LGR5: variants seen among roughly 807,000 people sequenced by gnomAD.
LGR5 encodes the protein leucine-rich repeat-containing G protein-coupled receptor 5.
A neutral mutation model predicts 76.7 loss-of-function variants in LGR5; 54 were observed. That is an observed-to-expected ratio of 0.70 (90% CI 0.57 to 0.88). The LOEUF (loss-of-function observed/expected upper bound fraction) is 0.88. Ranked by LOEUF, LGR5 falls within the 40% of genes least tolerant of loss-of-function variation. The probability of loss-of-function intolerance (pLI) is 0.00; values close to 1 mark genes in which losing one functional copy is unlikely to be tolerated. For synonymous variants in LGR5, 406 were observed against 421.9 expected, an observed-to-expected ratio of 0.96 and a Z score of 0.46; for missense variants, 1,078 against 1,073.3, an observed-to-expected ratio of 1.00 and a Z score of -0.06.
intron 1 of LGR5, among the ~76,000 whole-genome samples, chr12:71,504,066 T>C (rs1187171198): frequency 6.6e-6 from 1 of 152,214 alleles, no homozygotes; most frequent in East Asian, 1.9e-4. Context: ...ATTTCACTTA[T>C]TTAATGCAAT....
intron 2 of LGR5, among the ~76,000 whole-genome samples, chr12:71,520,478 G>T (rs1329555893): frequency 2.9e-4 from 44 of 152,142 alleles, no homozygotes; most frequent in Non-Finnish European, 1.5e-5. Context: ...AGATAGTGGT[G>T]ATGGTTAGAC....
In LGR5 at chr12:71,561,763, T is replaced by A. The variant is rs1445527510; in HGVS notation, c.786-18T>A. The A allele has an allele frequency of 2.0e-6, 3 of 1,516,280 alleles. No individual in the cohort carries two copies. The African/African-American group carries it at 4.2e-5, about 21-fold the overall frequency. The allele number at this position is 1,516,280 out of a possible 1,614,324, so 93.9% of individuals were successfully genotyped here. A position where few individuals can be genotyped will look rare whatever the true frequency, so the allele number is the denominator to read the frequency against. On this transcript the variant is annotated intron_variant, in intron 7 of 17. Coordinates refer to ENST00000266674, the MANE Select transcript of LGR5 (RefSeq NM_003667.4). The stretch of plus-strand genomic sequence containing the variant: ...TTACCCCACACAGGATTTTTTATAA[T>A]TTTTTTTCTCTTTCTAGAGGATTTC...
rs758716943 is a variant in LGR5, at chr12:71,578,008, A to G, written c.1280+12A>G. The G allele has an allele frequency of 6.3e-7, 1 of 1,589,932 alleles. No homozygotes were observed. The highest frequency in any genetic ancestry group is 8.6e-7 in the Non-Finnish European group (1 of 1,158,184). ...TCCCTAATAAAGCTGTGAGTATTCC[A>G]CAACTTGTTTATGGTATGTCTCTTA... On this transcript the variant is annotated intron_variant, in intron 14 of 17. Coordinates refer to ENST00000266674, the MANE Select transcript of LGR5 (RefSeq NM_003667.4).
chr12:71,578,397 A>G (rs914554014), intron 14 of LGR5, among the ~76,000 whole-genome samples: 5 of 151,970 alleles, frequency 3.3e-5, no homozygotes, highest in Admixed American at 6.6e-5. Context: ...CCCATCTCTT[A>G]TCTAACAAAG....
intron 3 of LGR5, among the ~76,000 whole-genome samples, chr12:71,529,810 G>T (rs186402101): frequency 5.3e-4 from 80 of 152,056 alleles, no homozygotes; most frequent in Non-Finnish European, 1.0e-3. Flanking sequence ...ACAAAAATTA[G>T]CTAGGTGTCA....
intron 1 of LGR5, among the ~76,000 whole-genome samples, chr12:71,444,722 G>A (rs2137194821): frequency 6.6e-6 from 1 of 152,192 alleles, no homozygotes; most frequent in African/African-American, 2.4e-5. Context: ...ACTTGGGTGT[G>A]TTTAAAGAAG....
chr12:71,551,579 A>G (rs543494174), intron 4 of LGR5, among the ~76,000 whole-genome samples: 2 of 152,236 alleles, frequency 1.3e-5, no homozygotes, highest in Non-Finnish European at 2.9e-5. Context: ...TGTTGGAAGC[A>G]TAGTTTGAGT....
chr12:71,527,606 G>A (rs753260574), intron 3 of LGR5, among the ~76,000 whole-genome samples: 30 of 152,236 alleles, frequency 2.0e-4, no homozygotes, highest in Admixed American at 9.1e-4. Context: ...TATTTATAAA[G>A]CAAACTTTTG....
chr12:71,507,277 T>C (rs1874902867), intron 2 of LGR5, among the ~76,000 whole-genome samples: 1 of 152,104 alleles, frequency 6.6e-6, no homozygotes, highest in Admixed American at 6.6e-5. Context: ...GCTTGGAAAG[T>C]GGAGGGACGG....
chr12:71,583,522 G>T, intron 17 of LGR5, 125 bp from the exon 18 acceptor site: 2 of 1,080,794 alleles, frequency 1.9e-6, no homozygotes, highest in Non-Finnish European at 2.7e-6. Context: ...CATGGGCACT[G>T]TGTGTTATTA....
intron 4 of LGR5, among the ~76,000 whole-genome samples, chr12:71,542,991 G>A (rs1222791893): frequency 6.7e-6 from 1 of 150,202 alleles, no homozygotes; most frequent in Non-Finnish European, 1.5e-5. Flanking sequence ...ATAATGGCTG[G>A]GACCATGCCT....
chr12:71,452,958 A>T (rs898082136), intron 1 of LGR5, among the ~76,000 whole-genome samples: 2 of 152,230 alleles, frequency 1.3e-5, no homozygotes, highest in African/African-American at 4.8e-5. Flanking sequence ...AGTTATTATC[A>T]CACTAAACTC....
chr12:71,566,955 T>G, intron 11 of LGR5, 43 bp downstream of exon 11: 1 of 1,377,196 alleles, frequency 7.3e-7, no homozygotes, highest in Non-Finnish European at 1.0e-6. Flanking sequence ...ACAGGCAACT[T>G]CCATTTAGGG....
intron 13 of LGR5, 140 bp from the exon 14 acceptor site, chr12:71,577,785 T>C (rs1326361280): frequency 3.4e-6 from 2 of 593,918 alleles, no homozygotes; most frequent in African/African-American, 3.7e-5. Context: ...TATGATAATC[T>C]GAAGGGCAGT....
At chr12:71,578,218 C>T (rs1208061115) in intron 14 of LGR5, among the ~76,000 whole-genome samples, 1 of 152,206 alleles carries the variant, frequency 6.6e-6, no homozygotes, top group Non-Finnish European at 1.5e-5. Flanking sequence ...ACCTGGTTCT[C>T]ATTATTCAGC....
rs919028398 is a variant in LGR5, at chr12:71,577,568, G to A, written c.1209-357G>A. Among the ~76,000 whole-genome samples the A allele has an allele frequency of 5.3e-5, 8 of 152,032 alleles. 1 individual carries two copies. The highest frequency in any genetic ancestry group is 1.7e-4 in the African/African-American group (7 of 41,388). ...ACATTTTATAATTTAACACTTACTTGTCAGAAGAAGAGACTCAGAAGTTTC... is the reference window on the plus strand; with the variant it reads ...ACATTTTATAATTTAACACTTACTTATCAGAAGAAGAGACTCAGAAGTTTC... On this transcript the variant is annotated intron_variant, in intron 13 of 17. Transcript: ENST00000266674.
intron 2 of LGR5, among the ~76,000 whole-genome samples, chr12:71,506,728 C>T (rs956344568): frequency 6.6e-6 from 1 of 152,158 alleles, no homozygotes; most frequent in Admixed American, 6.5e-5. Flanking sequence ...AAAATCAAGA[C>T]TGCTTTTCCA....
chr12:71,504,629 C>T lies in LGR5; in HGVS notation c.228C>T (p.Asn76=). The change falls in exon 2 of 18, where the codon AAC becomes AAT. Residue 76 remains asparagine (N), a synonymous_variant. Coordinates refer to ENST00000266674, the MANE Select transcript of LGR5 (RefSeq NM_003667.4). ...TCCCCCCCAGAGACCTCAGTATGAA[C>T]AACATCAGTCAGCTGCTCCCGAATC... ...VFTSYLDLSM[N]NISQLLPNPL... is the part of the protein sequence containing the mutation. 1 of 1,614,032 alleles carries T rather than the reference C, an allele frequency of 6.2e-7. No homozygotes were observed. The highest frequency in any genetic ancestry group is 1.1e-5 in the South Asian group (1 of 91,076).
intron 1 of LGR5, among the ~76,000 whole-genome samples, chr12:71,466,012 T>C (rs1872848672): frequency 6.6e-6 from 1 of 152,214 alleles, no homozygotes; most frequent in African/African-American, 2.4e-5. Context: ...AATGAGATAA[T>C]TTTTTATCCA....
Sources: allele counts gnomAD v4.1 joint callset (sites outside exome capture counted in the v4.1 genomes callset), GRCh38; gene constraint gnomAD v4.1.1; transcripts MANE v1.5; gene names NCBI Gene and HGNC (gene_info 2026-07-23, HGNC 2026-07-21).